Variants in TNFSF9 observed in about 807,000 individuals in gnomAD.
The protein encoded by TNFSF9 is tumor necrosis factor ligand superfamily member 9.
In TNFSF9, 10 loss-of-function variants were observed where a neutral mutation model predicts 10.3. That is an observed-to-expected ratio of 0.97 (90% CI 0.60 to 1.65). TNFSF9 has a LOEUF of 1.65. Ranked by LOEUF, TNFSF9 falls within the 40% of genes most tolerant of loss-of-function variation. The probability of loss-of-function intolerance (pLI) is 0.00; values close to 1 mark genes in which losing one functional copy is unlikely to be tolerated. For synonymous variants in TNFSF9, 195 were observed against 176.1 expected (o/e 1.11, Z -0.85); for missense variants, 361 against 348.9 (o/e 1.03, Z -0.28).
At chr19:6,531,764 G>A (rs1480331018) in intron 1 of TNFSF9, among the ~76,000 whole-genome samples, 2 of 152,076 alleles carry the variant, frequency 1.3e-5, no homozygotes, top group Non-Finnish European at 2.9e-5. Flanking sequence ...CCCAGGCCAG[G>A]AGGAGGAGAC....
intron 2 of TNFSF9, among the ~76,000 whole-genome samples, chr19:6,533,405 C>T (rs1205684071): frequency 1.5e-5 from 2 of 130,212 alleles, no homozygotes; most frequent in African/African-American, 6.0e-5. Context: ...CCGCTCGAGA[C>T]CTCTTCCCCC....
In TNFSF9 at chr19:6,534,608, A is replaced by G. The variant is rs536154845; in HGVS notation, c.307A>G (p.Ile103Val). 4.0e-4 allele frequency: 621 copies of G among 1,569,936 alleles called. 4 individuals carry two copies. The African/African-American group carries it at 7.7e-3, about 19-fold the overall frequency. The change falls in exon 3 of 3, where the codon ATC (isoleucine) becomes GTC (valine). Residue 103 changes from isoleucine (I) to valine (V), a missense_variant. Ile to Val is a conservative substitution (Grantham distance 29). Transcript: ENST00000245817. Reference sequence around the variant, plus strand: ...ATGCTTTCCTCCCACAGTTCTGCTGATCGATGGGCCCCTGAGCTGGTACAG... The same window carrying G: ...ATGCTTTCCTCCCACAGTTCTGCTGGTCGATGGGCCCCTGAGCTGGTACAG... ...AQLVAQNVLL[I>V]DGPLSWYSDP...
chr19:6,531,140 T>G lies in TNFSF9; in HGVS notation c.104T>G (p.Leu35Arg). The G allele has an allele frequency of 1.9e-6, 3 of 1,573,120 alleles. No homozygotes were observed. In the East Asian group the frequency reaches 7.1e-5, roughly 37 times the overall value. The change falls in exon 1 of 3, where the codon CTG (leucine) becomes CGG (arginine). Residue 35 changes from leucine to arginine, a missense_variant. Transcript: ENST00000245817. ...RVLPWALVAG[L>R]LLLLLLAAAC... ...CTGCCTTGGGCCCTGGTCGCGGGGC[T>G]GCTGCTGCTGCTGCTGCTCGCTGCC...
Position 6,532,828 on chromosome 19 carries a change from C to T in TNFSF9, c.298+12C>T, listed in dbSNP as rs1274621471. The T allele has an allele frequency of 6.2e-7, 1 of 1,613,734 alleles. No homozygotes were observed. Among genetic ancestry groups the T allele is most frequent in the South Asian group, 1.1e-5 (1 of 91,076 alleles). ...GGTGGCCCAAAATGGTAAGTATCCT[C>T]CGCCACTTCCGGTCCCTGGCCCCCC... On this transcript the variant is annotated intron_variant, in intron 2 of 2. Coordinates refer to ENST00000245817, the MANE Select transcript of TNFSF9 (RefSeq NM_003811.4).
At position 6,535,156 on chromosome 19, in the gene TNFSF9, C is replaced by T. The variant is rs1219807334; in HGVS notation, c.*90C>T. On this transcript the variant is annotated 3_prime_UTR_variant, in exon 3 of 3. Transcript: ENST00000245817. ...CCTGGTGCTGGGTCCCTGCTGCTTT[C>T]TCTACCTCAAGGGGCTTGGCAGGGG... is the stretch of plus-strand genomic sequence containing the variant. The T allele has an allele frequency of 4.4e-6, 6 of 1,366,756 alleles. No individual in the cohort carries two copies. The highest frequency in any genetic ancestry group is 6.0e-5 in the Admixed American group (2 of 33,348). The allele number at this position is 1,366,756 out of a possible 1,614,324, so 84.7% of individuals were successfully genotyped here.
At chr19:6,531,941 C>T (rs1271665283) in intron 1 of TNFSF9, among the ~76,000 whole-genome samples, 1 of 152,200 alleles carries the variant, frequency 6.6e-6, no homozygotes, top group Non-Finnish European at 1.5e-5. Context: ...CTCCAACCCT[C>T]GACGGCTTCC....
Position 6,534,833 on chromosome 19 carries a change from GCCCTGGCTTTGACCGTGGACCTGCCA to G in TNFSF9, c.536_561del (p.Leu179ArgfsTer32), listed in dbSNP as rs1555759356. On this transcript the variant is annotated frameshift_variant, in exon 3 of 3. Coordinates refer to ENST00000245817, the MANE Select transcript of TNFSF9 (RefSeq NM_003811.4). LOFTEE classifies it low-confidence loss of function (END_TRUNC). ...ACTGCGCTCTGCTGCTGGGGCCGCCGCCCTGGCTTTGACCGTGGACCTGCCACCCGCCTCCTCCGAGGCTCGGAACT... is the reference window on the plus strand; with the variant it reads ...ACTGCGCTCTGCTGCTGGGGCCGCCGCCCGCCTCCTCCGAGGCTCGGAACT... The G allele has an allele frequency of 1.2e-6, 2 of 1,605,512 alleles. No homozygotes were observed. Among genetic ancestry groups the G allele is most frequent in the Non-Finnish European group, 1.7e-6 (2 of 1,177,864 alleles).
At position 6,535,144 on chromosome 19, in the gene TNFSF9, C is replaced by T. The variant is rs954926261; in HGVS notation, c.*78C>T. The T allele has an allele frequency of 1.9e-5, 27 of 1,402,586 alleles. No individual in the cohort carries two copies. In the African/African-American group the frequency reaches 3.6e-4, roughly 19 times the overall value. 86.9% of individuals were successfully genotyped at this position (1,402,586 alleles called of 1,614,324 possible). A position where few individuals can be genotyped will look rare whatever the true frequency, so the allele number is the denominator to read the frequency against. ...TTCATGGAGACCCCTGGTGCTGGGT[C>T]CCTGCTGCTTTCTCTACCTCAAGGG... On this transcript the variant is annotated 3_prime_UTR_variant, in exon 3 of 3. Coordinates refer to ENST00000245817, the MANE Select transcript of TNFSF9 (RefSeq NM_003811.4).
chr19:6,532,815 T>C lies in TNFSF9; in HGVS notation c.297T>C (p.Asn99=). The C allele has an allele frequency of 6.2e-7, 1 of 1,613,780 alleles. No individual in the cohort carries two copies. The highest frequency in any genetic ancestry group is 8.5e-7 in the Non-Finnish European group (1 of 1,179,794). The part of the protein sequence containing the change: ...QGMFAQLVAQ[N]VLLIDGPLSW... ...TGTTTGCGCAGCTGGTGGCCCAAAA[T>C]GGTAAGTATCCTCCGCCACTTCCGG... Residue 99 remains asparagine (N), a splice_region_variant and synonymous_variant, in exon 2 of 3, where the codon AAT becomes AAC. Coordinates refer to ENST00000245817, the MANE Select transcript of TNFSF9 (RefSeq NM_003811.4).
In TNFSF9 at chr19:6,534,951, A is replaced by T; in HGVS notation, c.650A>T (p.His217Leu). 1.2e-6 allele frequency: 2 copies of T among 1,611,530 alleles called. No individual in the cohort carries two copies. Among genetic ancestry groups the T allele is most frequent in the Non-Finnish European group, 1.7e-6 (2 of 1,179,614 alleles). ...GGCCAGCGCCTGGGCGTCCATCTTCACACTGAGGCCAGGGCACGCCATGCC... is the reference window on the plus strand; with the variant it reads ...GGCCAGCGCCTGGGCGTCCATCTTCTCACTGAGGCCAGGGCACGCCATGCC... ...SAGQRLGVHL[H>L]TEARARHAWQ... The change falls in exon 3 of 3, where the codon CAC becomes CTC. Residue 217 changes from histidine (H) to leucine (L), a missense_variant. Transcript: ENST00000245817.
In TNFSF9 at chr19:6,531,205, G is replaced by C. The variant is rs772941778; in HGVS notation, c.169G>C (p.Gly57Arg). 2.5e-5 allele frequency: 38 copies of C among 1,546,492 alleles called. 1 individual carries two copies. The Admixed American group carries it at 5.8e-4, about 23-fold the overall frequency. ...VFLACPWAVS[G>R]ARASPGSAAS... ...CCTCGCCTGCCCCTGGGCCGTGTCCGGGGCTCGCGCCTCGCCCGGCTCCGC... is the reference window on the plus strand; with the variant it reads ...CCTCGCCTGCCCCTGGGCCGTGTCCCGGGCTCGCGCCTCGCCCGGCTCCGC... The change falls in exon 1 of 3, where the codon GGG becomes CGG. Residue 57 changes from glycine (G) to arginine (R), a missense_variant. Physicochemically the swap from Gly to Arg is moderately radical, Grantham distance 125 (BLOSUM62 -2). Coordinates refer to ENST00000245817, the MANE Select transcript of TNFSF9 (RefSeq NM_003811.4).
chr19:6,531,403 C>T, intron 1 of TNFSF9, 100 bp downstream of exon 1: 13 of 1,354,440 alleles, frequency 9.6e-6, no homozygotes, highest in Non-Finnish European at 1.2e-5. Context: ...GACACCTGTT[C>T]TACACTCCCG....
At chr19:6,534,526 T>A in intron 2 of TNFSF9, 74 bp from the exon 3 acceptor site, 1 of 1,205,386 alleles carries the variant, frequency 8.3e-7, no homozygotes, top group Non-Finnish European at 1.1e-6. Flanking sequence ...TGCGCTGACA[T>A]GTTCGGTGCT....
chr19:6,531,435 G>T, intron 1 of TNFSF9, 132 bp downstream of exon 1: 1 of 1,280,060 alleles, frequency 7.8e-7, no homozygotes, highest in Non-Finnish European at 1.0e-6. Context: ...GAGACCCACC[G>T]GGGCTCCCAT....
intron 2 of TNFSF9, among the ~76,000 whole-genome samples, chr19:6,533,234 A>T (rs1462743921): frequency 9.9e-6 from 1 of 101,482 alleles, no homozygotes; most frequent in African/African-American, 4.0e-5. Flanking sequence ...CCTCCTCCTT[A>T]CTCCCATTCT....
intron 1 of TNFSF9, among the ~76,000 whole-genome samples, chr19:6,532,475 G>A (rs1206318873): frequency 2.0e-5 from 3 of 151,028 alleles, no homozygotes; most frequent in Non-Finnish European, 2.9e-5. Flanking sequence ...TTGTGTTCGT[G>A]TGTGTCTGTG....
chr19:6,533,403 G>A, intron 2 of TNFSF9, among the ~76,000 whole-genome samples: 1 of 111,266 alleles, frequency 9.0e-6, no homozygotes, highest in Non-Finnish European at 1.9e-5. Context: ...CCCCGCTCGA[G>A]ACCTCTTCCC....
chr19:6,531,101 G>T lies in TNFSF9; in HGVS notation c.65G>T (p.Arg22Leu). 1 of 1,610,616 alleles carries T rather than the reference G, an allele frequency of 6.2e-7. No homozygotes were observed. The highest frequency in any genetic ancestry group is 1.7e-5 in the Admixed American group (1 of 59,918). The change falls in exon 1 of 3, where the codon CGC becomes CTC. Residue 22 changes from arginine (R) to leucine (L), a missense_variant. Arg to Leu is a moderately radical substitution (Grantham distance 102). Transcript: ENST00000245817. ...CCGTGGCCTCCCGCGCCCCGCGCTC[G>T]CGCCTGCCGCGTACTGCCTTGGGCC... ...EAPWPPAPRA[R>L]ACRVLPWALV...
In TNFSF9 at chr19:6,535,164, C is replaced by T. The variant is rs1915241860; in HGVS notation, c.*98C>T. On this transcript the variant is annotated 3_prime_UTR_variant, in exon 3 of 3. Coordinates refer to ENST00000245817, the MANE Select transcript of TNFSF9 (RefSeq NM_003811.4). ...TGGGTCCCTGCTGCTTTCTCTACCT[C>T]AAGGGGCTTGGCAGGGGTCCCTGCT... The T allele has an allele frequency of 1.5e-6, 2 of 1,329,916 alleles. No individual in the cohort carries two copies. Among genetic ancestry groups the T allele is most frequent in the East Asian group, 2.6e-5 (1 of 38,154 alleles). The allele number at this position is 1,329,916 out of a possible 1,614,324, so 82.4% of individuals were successfully genotyped here. A position where few individuals can be genotyped will look rare whatever the true frequency, so the allele number is the denominator to read the frequency against.
Sources: allele counts gnomAD v4.1 joint callset (sites outside exome capture counted in the v4.1 genomes callset), GRCh38; gene constraint gnomAD v4.1.1; transcripts MANE v1.5; gene names NCBI Gene and HGNC (gene_info 2026-07-23, HGNC 2026-07-21).